The following LAMC2 variants were observed in gnomAD, a reference collection of about 807,000 sequenced individuals.
The protein encoded by LAMC2 is laminin subunit gamma-2.
Under a neutral mutation model 140.2 loss-of-function variants are expected in LAMC2, and 97 were observed. The ratio of observed to expected loss-of-function variants is 0.69; its 90% CI spans 0.59 to 0.82. LAMC2 has a LOEUF of 0.82. Among genes scored for constraint, LAMC2 ranks in the 40% least tolerant of loss-of-function variants. The pLI is 0.00. For synonymous variants in LAMC2, 513 were observed against 540.2 expected (o/e 0.95, Z 0.70); for missense variants, 1,402 against 1,476.1 (o/e 0.95, Z 0.82).
At chr1:183,223,793 G>T (rs2021958) in intron 7 of LAMC2, among the ~76,000 whole-genome samples, 7 of 152,118 alleles carry the variant, frequency 4.6e-5, no homozygotes, top group African/African-American at 1.4e-4. Context: ...TGAAGTCGGC[G>T]ATAGGAGTGC....
intron 1 of LAMC2, among the ~76,000 whole-genome samples, chr1:183,197,325 C>G (rs952279854): frequency 1.3e-5 from 2 of 152,174 alleles, no homozygotes; most frequent in African/African-American, 2.4e-5. Context: ...GCATGGCAAT[C>G]ATAAGTTTGG....
At chr1:183,240,511 A>T (rs748077653) in intron 22 of LAMC2, 120 bp downstream of exon 22, 63 of 1,487,312 alleles carry the variant, frequency 4.2e-5, no homozygotes, top group Middle Eastern at 2.3e-4. Context: ...ATATCAGTAA[A>T]TGTGCTTTGT....
chr1:183,255,688 G>A, the LAMC2 span, among the ~76,000 whole-genome samples: 1 of 122,386 alleles, frequency 8.2e-6, no homozygotes, highest in East Asian at 2.7e-4. Flanking sequence ...TTTTCAGACA[G>A]AGTCTCACTC....
chr1:183,221,752 A>T (rs1234908998), intron 5 of LAMC2, among the ~76,000 whole-genome samples: 1 of 151,328 alleles, frequency 6.6e-6, no homozygotes, highest in African/African-American at 2.4e-5. Flanking sequence ...ATGAAAAAAA[A>T]ATGAAAAGAC....
chr1:183,241,222 T>C, intron 22 of LAMC2: 3 of 845,278 alleles, frequency 3.5e-6, no homozygotes, highest in Middle Eastern at 6.1e-4. Context: ...CTCTCCAGCC[T>C]GGGGAACAGA....
In LAMC2 at chr1:183,208,144, AAAG is replaced by A. The variant is rs1464615786; in HGVS notation, c.268+82_268+84del. Reference sequence around the variant, plus strand: ...ACAAGAGGGAAGGAAGGAAGGAGGAAAAGAAGAAGGAAGGGAACAACGGAGGAA... The same window carrying A: ...ACAAGAGGGAAGGAAGGAAGGAGGAAAAGAAGGAAGGGAACAACGGAGGAA... On this transcript the variant is annotated intron_variant, in intron 2 of 22. Transcript: ENST00000264144. The A allele has an allele frequency of 2.9e-5, 39 of 1,342,700 alleles. No homozygotes were observed. In the East Asian group the frequency reaches 3.7e-4, roughly 13 times the overall value. The allele number at this position is 1,342,700 out of a possible 1,614,324, so 83.2% of individuals were successfully genotyped here.
chr1:183,200,675 C>T (rs12406680), intron 1 of LAMC2, among the ~76,000 whole-genome samples: 15,010 of 151,980 alleles, frequency 0.099, 825 homozygotes, highest in East Asian at 0.19. Context: ...GTTGGAGCTG[C>T]GTGTTTTAGT....
At chr1:183,219,517 C>CT (rs1233399397) in intron 4 of LAMC2, among the ~76,000 whole-genome samples, 1 of 152,140 alleles carries the variant, frequency 6.6e-6, no homozygotes. Context: ...ATGGTAATCG[C>CT]TTTCTTTCTT....
At chr1:183,204,925 T>A (rs1172224696) in intron 1 of LAMC2, among the ~76,000 whole-genome samples, 6 of 152,020 alleles carry the variant, frequency 3.9e-5, no homozygotes, top group Non-Finnish European at 8.8e-5. Flanking sequence ...CAGGTTCAAG[T>A]GATTCTCCTG....
intron 22 of LAMC2, among the ~76,000 whole-genome samples, chr1:183,242,160 A>G (rs1053118484): frequency 6.6e-6 from 1 of 152,308 alleles, no homozygotes; most frequent in South Asian, 2.1e-4. Flanking sequence ...CTAGTAACTC[A>G]TGCCACCTTC....
At chr1:183,239,844 C>T in intron 20 of LAMC2, 196 bp from the exon 21 acceptor site, 1 of 692,820 alleles carries the variant, frequency 1.4e-6, no homozygotes, top group Non-Finnish European at 2.5e-6. Context: ...CCTTCCTAGT[C>T]ATACCCCCAG....
the LAMC2 span, chr1:183,252,436 C>T: frequency 5.4e-6 from 3 of 558,426 alleles, no homozygotes; most frequent in Admixed American, 3.1e-5. Context: ...ACCCCCAACC[C>T]GGAGACTAGA....
rs2102252050 is a variant in LAMC2, at chr1:183,239,581, T to C, written c.3069+18T>C. 6.2e-7 allele frequency: 1 copy of C among 1,600,886 alleles called. No individual in the cohort carries two copies. ...TTGAACAGGTAAAGAGAAATCGACA[T>C]GTGTGTTGGTGCCAGTAGCACCAAA... On this transcript the variant is annotated intron_variant, in intron 20 of 22. Coordinates refer to ENST00000264144, the MANE Select transcript of LAMC2 (RefSeq NM_005562.3).
intron 1 of LAMC2, among the ~76,000 whole-genome samples, chr1:183,187,871 T>A (rs1285395147): frequency 1.3e-5 from 2 of 152,230 alleles, no homozygotes; most frequent in Non-Finnish European, 2.9e-5. Flanking sequence ...ATCCAGGGGC[T>A]CTTAGGCTGG....
intron 1 of LAMC2, among the ~76,000 whole-genome samples, chr1:183,194,509 T>G (rs1269897861): frequency 6.6e-6 from 1 of 152,160 alleles, no homozygotes; most frequent in East Asian, 1.9e-4. Flanking sequence ...AAAGGAAGAT[T>G]TATTGTTTTT....
rs1660155843 is a variant in LAMC2, at chr1:183,242,432, T to A, written c.3329-715T>A. On this transcript the variant is annotated intron_variant, in intron 22 of 22. Coordinates refer to ENST00000264144, the MANE Select transcript of LAMC2 (RefSeq NM_005562.3). Reference sequence around the variant, plus strand: ...AGGCAACTTGACCTTGAGTTCGAATTGACCAAGGCCACTCAAACCTATTTG... The same window carrying A: ...AGGCAACTTGACCTTGAGTTCGAATAGACCAAGGCCACTCAAACCTATTTG... 4.6e-5 allele frequency among the ~76,000 whole-genome samples: 7 copies of A among 152,206 alleles called. No individual in the cohort carries two copies. In the South Asian group the frequency reaches 1.5e-3, roughly 32 times the overall value.
chr1:183,216,740 G>A (rs1244330329), intron 3 of LAMC2, among the ~76,000 whole-genome samples: 1 of 152,032 alleles, frequency 6.6e-6, no homozygotes, highest in African/African-American at 2.4e-5. Context: ...ATTCATGTTT[G>A]TCCATTTCTC....
intron 2 of LAMC2, among the ~76,000 whole-genome samples, chr1:183,213,198 G>A (rs952296378): frequency 6.6e-6 from 1 of 152,194 alleles, no homozygotes; most frequent in African/African-American, 2.4e-5. Flanking sequence ...CATATAAAGT[G>A]CCTAACTCAA....
At chr1:183,240,527 G>A (rs2102253965) in intron 22 of LAMC2, 136 bp downstream of exon 22, 1 of 1,465,898 alleles carries the variant, frequency 6.8e-7, no homozygotes, top group African/African-American at 1.4e-5. Flanking sequence ...TTTGTTTCCA[G>A]GCCCAGATAA....
Sources: gnomAD v4.1 joint callset for allele counts (sites outside exome capture counted in the v4.1 genomes callset) on GRCh38, gnomAD v4.1.1 for gene constraint, MANE v1.5 for transcripts, NCBI Gene and HGNC (gene_info 2026-07-23, HGNC 2026-07-21) for gene names.